OLAH: variants seen among roughly 807,000 people sequenced by gnomAD.
OLAH encodes the protein S-acyl fatty acid synthase thioesterase, medium chain.
OLAH carries 33 observed loss-of-function variants against 27.8 expected under a neutral mutation model. The ratio of observed to expected loss-of-function variants is 1.19; its 90% CI spans 0.90 to 1.59. The LOEUF (loss-of-function observed/expected upper bound fraction) is 1.59. Ranked by LOEUF, OLAH falls within the 40% of genes most tolerant of loss-of-function variation. OLAH has a pLI of 0.00. For synonymous variants in OLAH, 120 were observed against 102.9 expected (o/e 1.17, Z -1.01); for missense variants, 359 against 310.8 (o/e 1.16, Z -1.17).
chr10:15,039,692 G>C (rs984997282), upstream of OLAH, among the ~76,000 whole-genome samples: 2 of 152,212 alleles, frequency 1.3e-5, no homozygotes, highest in African/African-American at 4.8e-5. Context: ...CTGCTGGAAA[G>C]AGGCCTGTCT....
chr10:15,072,678 G>A (rs902308403), intron 7 of OLAH, among the ~76,000 whole-genome samples: 1 of 151,820 alleles, frequency 6.6e-6, no homozygotes, highest in Non-Finnish European at 1.5e-5. Context: ...ATGTCTCTGG[G>A]AGGAGGGGAG....
chr10:15,061,892 G>A, intron 4 of OLAH, 30 bp downstream of exon 4: 3 of 1,599,786 alleles, frequency 1.9e-6, no homozygotes, highest in Admixed American at 3.5e-5. Context: ...AAAGACTTCA[G>A]GGGAGTTTCT....
intron 7 of OLAH, 91 bp downstream of exon 7, chr10:15,071,968 C>G: frequency 1.1e-6 from 1 of 895,724 alleles, no homozygotes; most frequent in Non-Finnish European, 1.8e-6. Flanking sequence ...GAGTCTCGCC[C>G]TGTCACCCAG....
chr10:15,045,982 G>T (rs942645196), intron 1 of OLAH, among the ~76,000 whole-genome samples: 1 of 152,154 alleles, frequency 6.6e-6, no homozygotes, highest in African/African-American at 2.4e-5. Flanking sequence ...AGTGAGCCAA[G>T]GTCGTGCCAC....
rs375722063 is a variant in OLAH, at chr10:15,047,369, C to T, written c.32+49C>T. 139 of 1,572,536 alleles carry T rather than the reference C, an allele frequency of 8.8e-5. 1 individual carries two copies. Among genetic ancestry groups the T allele is most frequent in the South Asian group, 3.6e-4 (32 of 88,888 alleles). ...GGCTCTTCCTCCATCCCAGGGGCTCCGATACCCTGCCTTTGTACGGCTCCC... is the reference window on the plus strand; with the variant it reads ...GGCTCTTCCTCCATCCCAGGGGCTCTGATACCCTGCCTTTGTACGGCTCCC... On this transcript the variant is annotated intron_variant, in intron 2 of 7. Transcript: ENST00000378228.
chr10:15,034,115 CTTTTTTTTTTTTTTTT>C (rs1843803337), intron 1 of OLAH, among the ~76,000 whole-genome samples: 1 of 77,880 alleles, frequency 1.3e-5, no homozygotes, highest in African/African-American at 4.4e-5. Flanking sequence ...TTTTTTTTTT[CTTTTTTTTTTTTTTTT>C]GAGACGGAGT....
At chr10:15,063,255 T>G (rs1204475398) in intron 4 of OLAH, among the ~76,000 whole-genome samples, 2 of 152,126 alleles carry the variant, frequency 1.3e-5, no homozygotes, top group Non-Finnish European at 2.9e-5. Flanking sequence ...GCCTCCCAAG[T>G]AGCTGACTAC....
At chr10:15,063,680 C>A (rs1844411417) in intron 4 of OLAH, among the ~76,000 whole-genome samples, 1 of 151,946 alleles carries the variant, frequency 6.6e-6, no homozygotes, top group Non-Finnish European at 1.5e-5. Context: ...ATATATCTGG[C>A]GATATTTATC....
At chr10:15,041,629 G>A (rs1243883350), upstream of OLAH, among the ~76,000 whole-genome samples, 2 of 151,882 alleles carry the variant, frequency 1.3e-5, no homozygotes, top group Non-Finnish European at 2.9e-5. Context: ...AGGCTGGAGT[G>A]CAGTGGCTTG....
intron 3 of OLAH, among the ~76,000 whole-genome samples, chr10:15,051,241 A>T (rs1215893421): frequency 6.6e-6 from 1 of 151,984 alleles, no homozygotes; most frequent in African/African-American, 2.4e-5. Context: ...AGGCCCAGCT[A>T]ATTTTCGTAT....
At chr10:15,069,681 A>G (rs984273483) in intron 6 of OLAH, among the ~76,000 whole-genome samples, 3 of 152,202 alleles carry the variant, frequency 2.0e-5, no homozygotes, top group Non-Finnish European at 4.4e-5. Context: ...AGCCTGGCCA[A>G]CATGGCGAAA....
chr10:15,073,123 A>G lies in OLAH; in HGVS notation c.692A>G (p.Tyr231Cys). The stretch of plus-strand genomic sequence containing the variant: ...GTAACCAGTGGAAATGCTAAAATTT[A>G]CCAGCTTCCAGGGGGTCACTTTTAT... ...KDVTSGNAKI[Y>C]QLPGGHFYLL... is the part of the protein sequence containing the mutation. Residue 231 changes from tyrosine to cysteine, a missense_variant, in exon 8 of 8, where the codon TAC becomes TGC. Physicochemically the swap from Tyr to Cys is radical, Grantham distance 194. Coordinates refer to ENST00000378228, the MANE Select transcript of OLAH (RefSeq NM_001039702.3). The G allele has an allele frequency of 6.2e-7, 1 of 1,613,556 alleles. No homozygotes were observed. The highest frequency in any genetic ancestry group is 1.1e-5 in the South Asian group (1 of 90,952).
chr10:15,065,815 T>G, intron 6 of OLAH, 62 bp downstream of exon 6: 1 of 1,472,400 alleles, frequency 6.8e-7, no homozygotes, highest in Non-Finnish European at 9.2e-7. Flanking sequence ...AAAACATAGA[T>G]TGGCAGTGCT....
chr10:15,036,970 T>C (rs1420746186), intron 1 of OLAH, among the ~76,000 whole-genome samples: 2 of 151,684 alleles, frequency 1.3e-5, no homozygotes, highest in African/African-American at 4.8e-5. Flanking sequence ...TCCCAGATAC[T>C]CCGGAGGCTG....
intron 7 of OLAH, among the ~76,000 whole-genome samples, 197 bp downstream of exon 7, chr10:15,072,074 C>T (rs966726722): frequency 4.6e-5 from 7 of 152,080 alleles, no homozygotes; most frequent in South Asian, 2.1e-4. Context: ...GCTGGGATTA[C>T]AGGTGCCGGC....
At chr10:15,061,645 G>T in intron 3 of OLAH, 79 bp from the exon 4 acceptor site, 1 of 1,340,044 alleles carries the variant, frequency 7.5e-7, no homozygotes, top group South Asian at 2.0e-5. Context: ...TTTCCATCAG[G>T]TAAATATGAG....
At chr10:15,064,708 A>T (rs991404752) in intron 5 of OLAH, among the ~76,000 whole-genome samples, 6 of 152,200 alleles carry the variant, frequency 3.9e-5, no homozygotes, top group Admixed American at 6.5e-5. Context: ...CCCAGGCTAG[A>T]GTGCAGTGGC....
At chr10:15,039,119 G>A (rs867657204), upstream of OLAH, among the ~76,000 whole-genome samples, 6 of 152,016 alleles carry the variant, frequency 3.9e-5, no homozygotes, top group Non-Finnish European at 5.9e-5. Context: ...CTAGTTACTC[G>A]GGAGGCTGAG....
chr10:15,067,977 G>A (rs1844501352), intron 6 of OLAH: 1 of 152,064 alleles, frequency 6.6e-6, no homozygotes. Flanking sequence ...CATACACTAG[G>A]GTGTTTCATA....
Sources: allele counts gnomAD v4.1 joint callset (sites outside exome capture counted in the v4.1 genomes callset), GRCh38; gene constraint gnomAD v4.1.1; transcripts MANE v1.5; gene names NCBI Gene and HGNC (gene_info 2026-07-23, HGNC 2026-07-21).